Variants in DOT1L observed in about 807,000 individuals in gnomAD.
The protein encoded by DOT1L is DOT1 like histone lysine methyltransferase.
In DOT1L, 33 loss-of-function variants were observed where a neutral mutation model predicts 153.3. The observed-to-expected ratio is 0.22, with a 90% CI of 0.16 to 0.29. DOT1L has a LOEUF of 0.29. DOT1L is among the 10% of genes least tolerant of loss of function. DOT1L has a pLI of 1.00. For missense variants in DOT1L, 1,847 were observed against 2,119.9 expected, an observed-to-expected ratio of 0.87 and a Z score of 2.53; for synonymous variants, 1,135 against 965.1, an observed-to-expected ratio of 1.18 and a Z score of -3.26.
chr19:2,178,633 G>A (rs923421926), intron 1 of DOT1L, among the ~76,000 whole-genome samples: 10 of 151,972 alleles, frequency 6.6e-5, no homozygotes, highest in African/African-American at 9.7e-5. Context: ...TAGCCAGGAT[G>A]GTCTTGATCT....
chr19:2,173,575 A>T (rs1166874386), intron 1 of DOT1L, among the ~76,000 whole-genome samples: 1 of 152,164 alleles, frequency 6.6e-6, no homozygotes, highest in African/African-American at 2.4e-5. Flanking sequence ...TAAACCTGGA[A>T]CGTGCAGACA....
rs562099241 is a variant in DOT1L, at chr19:2,217,015, G to T, written c.2469G>T (p.Met823Ile). Residue 823 changes from methionine (M) to isoleucine (I), a missense_variant, in exon 21 of 28, where the codon ATG becomes ATT. By Grantham distance (10) the Met-to-Ile change is conservative. This residue lies in a region of DOT1L where 281 missense variants were observed against 263.6 expected (regional missense o/e 1.07). Coordinates refer to ENST00000398665, the MANE Select transcript of DOT1L (RefSeq NM_032482.3). The surrounding 1 kb of genome is among the most constrained non-coding windows in gnomAD (Gnocchi z 7.3). ...AGAGCCCCAGCGTGCCTGGCAGCAT[G>T]AAGCTGAGCCCTCAGGACCCGCGGC... is the stretch of plus-strand genomic sequence containing the variant. Reference protein sequence around the residue: ...PYQSPSVPGSMKLSPQDPRPL... With the variant: ...PYQSPSVPGSIKLSPQDPRPL... 2.5e-6 allele frequency: 4 copies of T among 1,613,140 alleles called. No individual in the cohort carries two copies. In the East Asian group the frequency reaches 6.7e-5, roughly 27 times the overall value.
chr19:2,189,690 G>C, intron 3 of DOT1L, 42 bp from the exon 4 acceptor site: 11 of 1,604,090 alleles, frequency 6.9e-6, no homozygotes, highest in Non-Finnish European at 8.5e-6. Flanking sequence ...CATGCGGCTG[G>C]CTCCTGCCCG....
intron 1 of DOT1L, among the ~76,000 whole-genome samples, chr19:2,180,400 G>T (rs984313626): frequency 6.6e-6 from 1 of 152,170 alleles, no homozygotes; most frequent in Non-Finnish European, 1.5e-5. Context: ...GCGGAGCTTG[G>T]GGCGGCCGTT....
chr19:2,214,205 G>C, intron 18 of DOT1L: 1 of 911,668 alleles, frequency 1.1e-6, no homozygotes, highest in South Asian at 1.8e-5. Context: ...GGGTGTCATG[G>C]AGCCACACTC....
Position 2,222,380 on chromosome 19 carries a change from G to A in DOT1L, c.3211G>A (p.Ala1071Thr), listed in dbSNP as rs201872028. 5.6e-5 allele frequency: 90 copies of A among 1,611,292 alleles called. No individual in the cohort carries two copies. The African/African-American group carries it at 7.9e-4, about 14-fold the overall frequency. ...SSKHSPLTAS[A>T]RGDCVPSHGQ... ...CAAGCACAGCCCCCTGACCGCCAGC[G>A]CCCGTGGGGACTGTGTGCCGAGCCA... The change falls in exon 24 of 28, where the codon GCC (alanine) becomes ACC (threonine). Residue 1071 changes from alanine (A) to threonine (T), a missense_variant. Physicochemically the swap from Ala to Thr is moderately conservative, Grantham distance 58. Transcript: ENST00000398665. This position sits in a 1 kb window ranked among gnomAD's most constrained non-coding sequence, Gnocchi z 6.5.
Position 2,228,601 on chromosome 19 carries a change from G to T in DOT1L, c.4607-1184G>T, listed in dbSNP as rs1027006914. 11 of 985,388 alleles carry T rather than the reference G, an allele frequency of 1.1e-5. No homozygotes were observed. In the African/African-American group the frequency reaches 1.2e-4, roughly 11 times the overall value. 61.0% of individuals were successfully genotyped at this position (985,388 alleles called of 1,614,324 possible). On this transcript the variant is annotated intron_variant, in intron 27 of 27. Transcript: ENST00000398665. Reference sequence around the variant, plus strand: ...GTGTGTTGGGTTCCAGCTGCCCGCAGCTGGGTTCCTGCGGTGACGCCGCAG... The same window carrying T: ...GTGTGTTGGGTTCCAGCTGCCCGCATCTGGGTTCCTGCGGTGACGCCGCAG...
At chr19:2,180,537 G>T (rs1024703779) in intron 1 of DOT1L, among the ~76,000 whole-genome samples, 176 bp from the exon 2 acceptor site, 1 of 152,142 alleles carries the variant, frequency 6.6e-6, no homozygotes, top group Admixed American at 6.6e-5. Flanking sequence ...TGTTCCCTTC[G>T]TGGTCCAGGG....
rs1378253621 is a variant in DOT1L, at chr19:2,225,542, GCAT to G, written c.3661+92_3661+94del. 48 of 1,366,014 alleles carry G rather than the reference GCAT, an allele frequency of 3.5e-5. No individual in the cohort carries two copies. In the African/African-American group the frequency reaches 6.7e-4, roughly 19 times the overall value. The allele number at this position is 1,366,014 out of a possible 1,614,324, so 84.6% of individuals were successfully genotyped here. On this transcript the variant is annotated intron_variant, in intron 26 of 27. Transcript: ENST00000398665. ...CTGCTGACCCACCTGCTGGCCCGCT[GCAT>G]CGTGTCCCGCATGGTGCTGGCCCGC... is the stretch of plus-strand genomic sequence containing the variant.
At chr19:2,194,602 C>T in intron 7 of DOT1L, 25 bp downstream of exon 7, 1 of 1,606,702 alleles carries the variant, frequency 6.2e-7, no homozygotes, top group Non-Finnish European at 8.5e-7. Context: ...TCCGCCCCGG[C>T]TCCCATCGCC....
chr19:2,194,693 C>T (rs1334247460), intron 7 of DOT1L, 116 bp downstream of exon 7: 9 of 454,144 alleles, frequency 2.0e-5, no homozygotes, highest in Non-Finnish European at 3.0e-5. Flanking sequence ...ACATGGTGTG[C>T]CCCCTGGAGT....
chr19:2,198,678 G>T (rs1410302204), intron 7 of DOT1L, among the ~76,000 whole-genome samples: 1 of 152,234 alleles, frequency 6.6e-6, no homozygotes, highest in Non-Finnish European at 1.5e-5. Context: ...GGCTCTTGGG[G>T]TGCTGGTGTG....
In DOT1L at chr19:2,194,597, C is replaced by T. The variant is rs2022937880; in HGVS notation, c.651+20C>T. 4 of 1,608,542 alleles carry T rather than the reference C, an allele frequency of 2.5e-6. No individual in the cohort carries two copies. Among genetic ancestry groups the T allele is most frequent in the African/African-American group, 1.3e-5 (1 of 74,874 alleles). Reference sequence around the variant, plus strand: ...TACACAGTGAGTGCCATCGCTCCGCCCCGGCTCCCATCGCCGGCCCCACCC... The same window carrying T: ...TACACAGTGAGTGCCATCGCTCCGCTCCGGCTCCCATCGCCGGCCCCACCC... On this transcript the variant is annotated intron_variant, in intron 7 of 27. Coordinates refer to ENST00000398665, the MANE Select transcript of DOT1L (RefSeq NM_032482.3).
rs1424577573 is a variant in DOT1L, at chr19:2,226,874, A to T, written c.4353A>T (p.Ala1451=). 1.3e-6 allele frequency: 2 copies of T among 1,572,358 alleles called. No homozygotes were observed. Among genetic ancestry groups the T allele is most frequent in the East Asian group, 4.7e-5 (2 of 42,514 alleles). ...GCCTGGCCCCGGCGGCGTCCTCCGC[A>T]GGCGGCGCGGCGTCCTCCGCCCAGA... ...GPGLAPAASS[A]GGAASSAQTH... is the part of the protein sequence containing the mutation. The change falls in exon 27 of 28, where the codon GCA becomes GCT. Residue 1451 remains alanine (A), a synonymous_variant. Coordinates refer to ENST00000398665, the MANE Select transcript of DOT1L (RefSeq NM_032482.3).
chr19:2,223,358 C>G lies in DOT1L; in HGVS notation c.3468C>G (p.Pro1156=), dbSNP rs757682801. The change falls in exon 25 of 28, where the codon CCC becomes CCG. Residue 1156 remains proline (P), a synonymous_variant. Transcript: ENST00000398665. Reference sequence around the variant, plus strand: ...CCTCCCTGAAGAGCTCCCCTGTGCCCTACCAGGACCACGACCAGCCCCCCG... The same window carrying G: ...CCTCCCTGAAGAGCTCCCCTGTGCCGTACCAGGACCACGACCAGCCCCCCG... ...PETSLKSSPV[P]YQDHDQPPVL... 2.9e-5 allele frequency: 46 copies of G among 1,613,712 alleles called. No individual in the cohort carries two copies. Among genetic ancestry groups the G allele is most frequent in the Non-Finnish European group, 3.9e-5 (46 of 1,179,998 alleles).
chr19:2,219,952 A>G (rs552592232), intron 22 of DOT1L, among the ~76,000 whole-genome samples, 156 bp from the exon 23 acceptor site: 52 of 152,118 alleles, frequency 3.4e-4, no homozygotes, highest in Middle Eastern at 3.4e-3. Context: ...GGCCCCGCTC[A>G]AGTTCCCCCG....
At chr19:2,175,875 A>G (rs1198485763) in intron 1 of DOT1L, among the ~76,000 whole-genome samples, 1 of 152,160 alleles carries the variant, frequency 6.6e-6, no homozygotes, top group Non-Finnish European at 1.5e-5. Flanking sequence ...TCCGTCTCAA[A>G]AAAAGAAAGG....
intron 2 of DOT1L, among the ~76,000 whole-genome samples, chr19:2,185,193 C>T (rs951474136): frequency 3.3e-5 from 5 of 152,096 alleles, no homozygotes; most frequent in African/African-American, 4.8e-5. Context: ...TGTGAGCCAC[C>T]GCACCCGGCA....
intron 1 of DOT1L, among the ~76,000 whole-genome samples, chr19:2,179,404 C>T (rs1488471006): frequency 6.6e-6 from 1 of 152,092 alleles, no homozygotes; most frequent in Non-Finnish European, 1.5e-5. Flanking sequence ...CCTGGGCGGC[C>T]TCTGACGCGC....
Sources: allele counts gnomAD v4.1 joint callset (sites outside exome capture counted in the v4.1 genomes callset), GRCh38; gene constraint gnomAD v4.1.1; regional missense constraint gnomAD v4.1.1; non-coding constraint Gnocchi (gnomAD v3.1); transcripts MANE v1.5; gene names NCBI Gene and HGNC (gene_info 2026-07-23, HGNC 2026-07-21).